GRID1: variants seen among roughly 807,000 people sequenced by gnomAD.
GRID1 encodes glutamate ionotropic receptor delta type subunit 1.
In GRID1, 28 loss-of-function variants were observed where a neutral mutation model predicts 98.0. The ratio of observed to expected loss-of-function variants is 0.29; its 90% CI spans 0.21 to 0.39. The LOEUF is 0.39. GRID1 is among the 10% of genes least tolerant of loss of function. The pLI is 1.00. For synonymous variants in GRID1, 553 were observed against 538.5 expected (o/e 1.03, Z -0.37); for missense variants, 1,111 against 1,340.5 (o/e 0.83, Z 2.67).
intron 5 of GRID1, among the ~76,000 whole-genome samples, chr10:85,908,990 G>C (rs1313181702): frequency 6.6e-6 from 1 of 152,134 alleles, no homozygotes; most frequent in African/African-American, 2.4e-5. Flanking sequence ...CAACTGAAAA[G>C]ATAAGCCACA....
intron 2 of GRID1, among the ~76,000 whole-genome samples, chr10:86,302,687 A>G (rs185705504): frequency 3.3e-5 from 5 of 152,310 alleles, no homozygotes; most frequent in Admixed American, 6.5e-5. Flanking sequence ...ATGTCACCCT[A>G]AGGAAGCAAT....
At chr10:85,832,636 C>T (rs1415330154) in intron 8 of GRID1, among the ~76,000 whole-genome samples, 8 of 152,072 alleles carry the variant, frequency 5.3e-5, no homozygotes, top group African/African-American at 1.9e-4. Context: ...AAGGAGAATT[C>T]TGAAAGATGG....
At chr10:86,050,671 A>G (rs968912018) in intron 4 of GRID1, among the ~76,000 whole-genome samples, 3 of 152,216 alleles carry the variant, frequency 2.0e-5, no homozygotes, top group Non-Finnish European at 4.4e-5. Flanking sequence ...TCTCTTAAAT[A>G]GCAGCAAAAA....
At chr10:85,904,584 G>C (rs190481633) in intron 5 of GRID1, among the ~76,000 whole-genome samples, 3 of 152,198 alleles carry the variant, frequency 2.0e-5, no homozygotes, top group Admixed American at 6.5e-5. Flanking sequence ...AACAGAATTA[G>C]AATTAGCAGA....
intron 5 of GRID1, among the ~76,000 whole-genome samples, chr10:85,913,327 G>A (rs951576421): frequency 6.6e-6 from 1 of 152,182 alleles, no homozygotes; most frequent in Non-Finnish European, 1.5e-5. Context: ...TAGGATCCCA[G>A]ATACACCATT....
chr10:85,870,605 C>T (rs1843269269), intron 5 of GRID1, among the ~76,000 whole-genome samples: 1 of 152,212 alleles, frequency 6.6e-6, no homozygotes, highest in Admixed American at 6.5e-5. Context: ...CGCTGGTAGG[C>T]AGGGCACAGT....
At chr10:86,019,433 G>T in intron 4 of GRID1, among the ~76,000 whole-genome samples, 1 of 152,226 alleles carries the variant, frequency 6.6e-6, no homozygotes, top group Non-Finnish European at 1.5e-5. Context: ...GGCTCCTGGG[G>T]ACTGGAGGGC....
intron 2 of GRID1, among the ~76,000 whole-genome samples, chr10:86,314,502 C>G (rs2132090725): frequency 6.6e-6 from 1 of 152,334 alleles, no homozygotes; most frequent in Non-Finnish European, 1.5e-5. Context: ...GGGGAAATAT[C>G]AGAGGAATCC....
intron 4 of GRID1, among the ~76,000 whole-genome samples, chr10:86,066,170 C>A (rs1164851901): frequency 6.6e-6 from 1 of 152,070 alleles, no homozygotes; most frequent in African/African-American, 2.4e-5. Context: ...AAATGTAAGA[C>A]TCGATTCGGA....
intron 14 of GRID1, among the ~76,000 whole-genome samples, chr10:85,617,225 G>GCCC (rs57386595): frequency 9.7e-5 from 13 of 133,864 alleles, no homozygotes; most frequent in African/African-American, 3.6e-4. Flanking sequence ...ATACAACAAA[G>GCCC]CCCCCCCCCC....
chr10:86,329,618 C>T (rs2132101516), intron 2 of GRID1, among the ~76,000 whole-genome samples: 1 of 152,308 alleles, frequency 6.6e-6, no homozygotes, highest in East Asian at 1.9e-4. Flanking sequence ...TGACCATCCC[C>T]TGGTCCACAC....
In GRID1 at chr10:86,084,813, T is replaced by C. The variant is rs142268678; in HGVS notation, c.726+54006A>G. The stretch of plus-strand genomic sequence containing the variant: ...ACTGTATGATCTCACTTACATGAGT[T>C]ATGTAGAGCAGTCAAATTCACAGAG... On this transcript the variant is annotated intron_variant, in intron 4 of 15. Coordinates refer to ENST00000327946, the MANE Select transcript of GRID1 (RefSeq NM_017551.3). 4.1e-4 allele frequency among the ~76,000 whole-genome samples: 62 copies of C among 152,270 alleles called. 1 individual carries two copies. The highest frequency in any genetic ancestry group is 7.8e-4 in the Admixed American group (12 of 15,304).
At chr10:86,006,386 C>T (rs890993300) in intron 4 of GRID1, among the ~76,000 whole-genome samples, 4 of 152,040 alleles carry the variant, frequency 2.6e-5, no homozygotes, top group Non-Finnish European at 4.4e-5. Context: ...TTTGGGAGGC[C>T]GAGGTGAGCG....
chr10:85,735,929 G>T (rs1406667953), intron 8 of GRID1, among the ~76,000 whole-genome samples: 2 of 139,510 alleles, frequency 1.4e-5, no homozygotes, highest in Non-Finnish European at 3.1e-5. Context: ...GAAGGAAGGA[G>T]AGAAGGCAGG....
chr10:86,039,971 G>A (rs779352435), intron 4 of GRID1, among the ~76,000 whole-genome samples: 1 of 152,140 alleles, frequency 6.6e-6, no homozygotes, highest in Non-Finnish European at 1.5e-5. Flanking sequence ...CTCTCCCCCT[G>A]TGGATCAGAA....
chr10:85,632,288 C>T (rs1842984852), intron 13 of GRID1, among the ~76,000 whole-genome samples: 1 of 152,134 alleles, frequency 6.6e-6, no homozygotes, highest in Admixed American at 6.5e-5. Flanking sequence ...CCCTTGGCCT[C>T]AGTTTCTAAA....
intron 4 of GRID1, among the ~76,000 whole-genome samples, chr10:85,934,515 C>A (rs1013227594): frequency 6.6e-6 from 1 of 151,314 alleles, no homozygotes; most frequent in Admixed American, 6.6e-5. Context: ...TGGATTGGAG[C>A]CAGAGTCTGG....
At chr10:86,042,243 T>C (rs1843357252) in intron 4 of GRID1, among the ~76,000 whole-genome samples, 1 of 152,232 alleles carries the variant, frequency 6.6e-6, no homozygotes, top group South Asian at 2.1e-4. Flanking sequence ...AGGAGGTTTT[T>C]CTGTGTCCCT....
At chr10:85,900,465 A>T (rs1490652327) in intron 5 of GRID1, among the ~76,000 whole-genome samples, 1 of 152,244 alleles carries the variant, frequency 6.6e-6, no homozygotes, top group East Asian at 1.9e-4. Flanking sequence ...CATTTGCTGC[A>T]TATGGTAATT....
Sources: gnomAD v4.1 joint callset for allele counts (sites outside exome capture counted in the v4.1 genomes callset) on GRCh38, gnomAD v4.1.1 for gene constraint, MANE v1.5 for transcripts, NCBI Gene and HGNC (gene_info 2026-07-23, HGNC 2026-07-21) for gene names.